KLF13: variants seen among roughly 807,000 people sequenced by gnomAD.
KLF13 encodes KLF transcription factor 13.
In KLF13, 8 loss-of-function variants were observed where a neutral mutation model predicts 16.7. That is an observed-to-expected ratio of 0.48 (90% CI 0.28 to 0.87). The LOEUF (loss-of-function observed/expected upper bound fraction) is 0.87. Among genes scored for constraint, KLF13 ranks in the 40% least tolerant of loss-of-function variants. The probability of loss-of-function intolerance (pLI) is 0.10; values close to 1 mark genes in which losing one functional copy is unlikely to be tolerated. For missense variants in KLF13, 447 were observed against 452.2 expected (o/e 0.99, Z 0.10); for synonymous variants, 245 against 208.4 (o/e 1.18, Z -1.51).
chr15:31,392,729 T>A (rs2039890972), upstream of KLF13: 2 of 152,266 alleles, frequency 1.3e-5, no homozygotes, highest in African/African-American at 4.8e-5. Context: ...ATGGGGGTCC[T>A]GCACCGGCCC....
intron 1 of KLF13, among the ~76,000 whole-genome samples, chr15:31,331,435 C>T (rs981793517): frequency 3.9e-5 from 6 of 152,214 alleles, no homozygotes; most frequent in East Asian, 3.9e-4. Context: ...CAGATTATTG[C>T]GACCCCTCCC....
chr15:31,374,862 G>A lies in KLF13; in HGVS notation c.*2563G>A, dbSNP rs1156973167. 8.6e-6 allele frequency: 1 copy of A among 116,624 alleles called. No homozygotes were observed. The highest frequency in any genetic ancestry group is 3.3e-5 in the African/African-American group (1 of 30,580). 7.2% of individuals were successfully genotyped at this position (116,624 alleles called of 1,614,324 possible). ...TTTGTTTTAGAGCAGGGCGGGGGGT[G>A]GGGGAGGGAAGCGGGTGTTGGCTGT... On this transcript the variant is annotated 3_prime_UTR_variant, in exon 2 of 2. Coordinates refer to ENST00000307145, the MANE Select transcript of KLF13 (RefSeq NM_015995.4).
chr15:31,365,558 G>A (rs936367048), intron 1 of KLF13, among the ~76,000 whole-genome samples: 2 of 143,112 alleles, frequency 1.4e-5, no homozygotes, highest in South Asian at 4.9e-4. Flanking sequence ...CAGGAGGTTC[G>A]CAGACAGAAA....
chr15:31,413,198 A>AC (rs1361302749), intron 1 of KLF13, among the ~76,000 whole-genome samples: 50 of 147,330 alleles, frequency 3.4e-4, no homozygotes, highest in East Asian at 2.0e-3. Flanking sequence ...AAAAAAAAAA[A>AC]AAAACAAAAA....
chr15:31,420,446 A>C, intron 1 of KLF13: 1 of 888,416 alleles, frequency 1.1e-6, no homozygotes, highest in Non-Finnish European at 1.8e-6. Context: ...CCACCCCAAC[A>C]TAGACACCCA....
chr15:31,420,519 T>C, intron 1 of KLF13: 1 of 585,490 alleles, frequency 1.7e-6, no homozygotes, highest in South Asian at 1.5e-5. Context: ...ATCAGGACCA[T>C]TCTGGTCTCC....
intron 1 of KLF13, among the ~76,000 whole-genome samples, chr15:31,367,694 CAGTTG>C (rs2039496927): frequency 1.3e-5 from 2 of 152,178 alleles, no homozygotes; most frequent in South Asian, 4.1e-4. Context: ...AGAGGAGACC[CAGTTG>C]ACAGGGCTAA....
intron 1 of KLF13, among the ~76,000 whole-genome samples, chr15:31,363,058 T>C (rs1468976692): frequency 2.0e-5 from 3 of 152,182 alleles, no homozygotes; most frequent in Non-Finnish European, 4.4e-5. Context: ...AGTTCAGATG[T>C]GGGTAAAAGG....
intron 1 of KLF13, among the ~76,000 whole-genome samples, chr15:31,353,541 A>G (rs959215522): frequency 1.3e-5 from 2 of 152,214 alleles, no homozygotes; most frequent in African/African-American, 4.8e-5. Flanking sequence ...CTTTATTGCT[A>G]TAAAACCACT....
At chr15:31,393,995 C>G (rs550747149) in intron 2 of KLF13, among the ~76,000 whole-genome samples, 1 of 152,176 alleles carries the variant, frequency 6.6e-6, no homozygotes, top group African/African-American at 2.4e-5. Flanking sequence ...CCTGGACAGA[C>G]AGGAAGCAAC....
chr15:31,339,670 C>G (rs1490615888), intron 1 of KLF13, among the ~76,000 whole-genome samples: 1 of 152,250 alleles, frequency 6.6e-6, no homozygotes, highest in Non-Finnish European at 1.5e-5. Context: ...GCCCTCCCAC[C>G]CAGTGCTGCA....
intron 1 of KLF13, among the ~76,000 whole-genome samples, chr15:31,359,756 G>A (rs1311750681): frequency 2.0e-5 from 3 of 152,150 alleles, no homozygotes; most frequent in Non-Finnish European, 2.9e-5. Flanking sequence ...CGTTCCCAGG[G>A]GCTGTTTATC....
At chr15:31,337,871 G>A (rs2038956912) in intron 1 of KLF13, among the ~76,000 whole-genome samples, 1 of 152,194 alleles carries the variant, frequency 6.6e-6, no homozygotes, top group Admixed American at 6.5e-5. Flanking sequence ...AGCCTGAGGG[G>A]CTTTGCAGGA....
chr15:31,424,906 A>ACACAC (rs1566849363), intron 1 of KLF13, among the ~76,000 whole-genome samples: 3 of 48,520 alleles, frequency 6.2e-5, no homozygotes, highest in Admixed American at 1.9e-4. Flanking sequence ...CACACACACA[A>ACACAC]AGCTCTTAGA....
Position 31,327,305 on chromosome 15 carries a change from G to C in KLF13, c.93G>C (p.Pro31=), listed in dbSNP as rs1309455660. 7.7e-6 allele frequency: 10 copies of C among 1,300,854 alleles called. No homozygotes were observed. The highest frequency in any genetic ancestry group is 9.7e-6 in the Non-Finnish European group (10 of 1,028,306). The allele number at this position is 1,300,854 out of a possible 1,614,324, so 80.6% of individuals were successfully genotyped here. Residue 31 remains proline (P), a synonymous_variant, in exon 1 of 2, where the codon CCG becomes CCC. Transcript: ENST00000307145. ...TCGTGCACGGGCCGCGGGAGGGGCC[G>C]GAGTCCCGGCCCGAGGGCGCGGCCG... is the stretch of plus-strand genomic sequence containing the variant. ...RAVVHGPREG[P]ESRPEGAAVA...
chr15:31,402,917 G>A lies in KLF13; in HGVS notation n.530-511G>A, dbSNP rs539768791. 4.7e-5 allele frequency among the ~76,000 whole-genome samples: 7 copies of A among 150,122 alleles called. No homozygotes were observed. In the South Asian group the frequency reaches 8.3e-4, roughly 18 times the overall value. On this transcript the variant is annotated intron_variant and non_coding_transcript_variant, in intron 2 of 2. Coordinates refer to the KLF13 transcript ENST00000500533. The stretch of plus-strand genomic sequence containing the variant: ...CTTGGAGGGATGGGCAATGGGACTC[G>A]TGAACTGTTTTCTTCTTTCGTAAGC...
chr15:31,386,306 T>C (rs777673850), intron 1 of KLF13, among the ~76,000 whole-genome samples: 2 of 152,338 alleles, frequency 1.3e-5, no homozygotes, highest in South Asian at 4.1e-4. Flanking sequence ...GAGACCAGCC[T>C]AGCTAACACG....
intron 1 of KLF13, among the ~76,000 whole-genome samples, chr15:31,426,478 A>T (rs1460995521): frequency 6.6e-6 from 1 of 152,190 alleles, no homozygotes; most frequent in Non-Finnish European, 1.5e-5. Context: ...TCAAACTTAA[A>T]CCCTGTGCAT....
intron 1 of KLF13, among the ~76,000 whole-genome samples, chr15:31,336,342 A>G (rs187750145): frequency 1.2e-4 from 18 of 152,264 alleles, no homozygotes; most frequent in Admixed American, 4.6e-4. Flanking sequence ...TTGTGCTTCC[A>G]TATGTGGGTC....
Sources: gnomAD v4.1 joint callset for allele counts (sites outside exome capture counted in the v4.1 genomes callset) on GRCh38, gnomAD v4.1.1 for gene constraint, MANE v1.5 for transcripts, NCBI Gene and HGNC (gene_info 2026-07-23, HGNC 2026-07-21) for gene names.